The following ACOXL variants were observed in gnomAD, a reference collection of about 807,000 sequenced individuals.
ACOXL encodes the protein acyl-CoA oxidase like, also known as acyl-coenzyme A oxidase-like protein.
A neutral mutation model predicts 71.9 loss-of-function variants in ACOXL; 70 were observed. The observed-to-expected ratio is 0.97, with a 90% CI of 0.80 to 1.19. The LOEUF (loss-of-function observed/expected upper bound fraction) is 1.19. ACOXL is among the 50% of genes most tolerant of loss of function. The pLI, the probability that ACOXL is intolerant of heterozygous loss-of-function variation, is 0.00. For missense variants in ACOXL, 703 were observed against 736.3 expected (o/e 0.95, Z 0.52); for synonymous variants, 253 against 281.6 (o/e 0.90, Z 1.02).
chr2:110,909,852 A>G (rs2059588571), intron 11 of ACOXL, among the ~76,000 whole-genome samples: 1 of 151,660 alleles, frequency 6.6e-6, no homozygotes, highest in Non-Finnish European at 1.5e-5. Context: ...CCAGTGTTCC[A>G]AGGTGCAAGG....
intron 10 of ACOXL, chr2:110,886,640 A>C: frequency 8.9e-7 from 1 of 1,119,194 alleles, no homozygotes; most frequent in Non-Finnish European, 1.3e-6. Flanking sequence ...CGGCTTCTCA[A>C]AATGCTGGGA....
intron 10 of ACOXL, among the ~76,000 whole-genome samples, chr2:110,848,519 C>T (rs1692192021): frequency 1.3e-5 from 2 of 152,130 alleles, no homozygotes; most frequent in Non-Finnish European, 2.9e-5. Context: ...TCTTGAGGGC[C>T]GAGGGTGGTT....
At chr2:110,930,291 C>T (rs1216612297) in intron 11 of ACOXL, among the ~76,000 whole-genome samples, 1 of 152,240 alleles carries the variant, frequency 6.6e-6, no homozygotes, top group Non-Finnish European at 1.5e-5. Flanking sequence ...TTGACCACCC[C>T]ACTGGACTGT....
At chr2:110,784,615 C>A in intron 2 of ACOXL, 117 bp from the exon 3 acceptor site, 2 of 716,254 alleles carry the variant, frequency 2.8e-6, no homozygotes, top group South Asian at 3.0e-5. Flanking sequence ...TTAAAAACTG[C>A]TTTTACTGTG....
At chr2:110,808,395 T>TC (rs1686923619) in intron 9 of ACOXL, among the ~76,000 whole-genome samples, 1 of 152,120 alleles carries the variant, frequency 6.6e-6, no homozygotes, top group Non-Finnish European at 1.5e-5. Context: ...ATTTCTGGGT[T>TC]CCCGGGTGAC....
At chr2:110,826,159 C>G (rs1047656855) in intron 9 of ACOXL, among the ~76,000 whole-genome samples, 1 of 152,174 alleles carries the variant, frequency 6.6e-6, no homozygotes, top group Admixed American at 6.5e-5. Context: ...TAAAGGAAAG[C>G]TTCATCTTTT....
chr2:111,032,508 T>A (rs2065324160), intron 15 of ACOXL, among the ~76,000 whole-genome samples: 1 of 152,192 alleles, frequency 6.6e-6, no homozygotes, highest in Non-Finnish European at 1.5e-5. Flanking sequence ...ATTGTTTAAT[T>A]TCAAGAATCG....
intron 4 of ACOXL, 103 bp downstream of exon 4, chr2:110,793,839 C>A: frequency 9.2e-7 from 1 of 1,090,442 alleles, no homozygotes; most frequent in Non-Finnish European, 1.4e-6. Flanking sequence ...TAAAATAAAA[C>A]AGAATTTGTA....
intron 9 of ACOXL, among the ~76,000 whole-genome samples, chr2:110,819,268 A>G (rs369406674): frequency 6.7e-4 from 102 of 152,304 alleles, no homozygotes; most frequent in African/African-American, 2.3e-3. Context: ...TCTGCAGTTT[A>G]TTCTGTTGGC....
intron 12 of ACOXL, among the ~76,000 whole-genome samples, chr2:110,974,690 TCTTC>T (rs1172070396): frequency 2.6e-5 from 4 of 152,224 alleles, no homozygotes; most frequent in East Asian, 1.9e-4. Context: ...AGGGGTGTCC[TCTTC>T]CTGACTGATC....
intron 2 of ACOXL, among the ~76,000 whole-genome samples, chr2:110,779,009 C>T (rs1485375704): frequency 2.0e-5 from 3 of 152,100 alleles, no homozygotes; most frequent in African/African-American, 4.8e-5. Flanking sequence ...GAAACATTTT[C>T]GAAGTAACTA....
rs571994534 is a variant in ACOXL, at chr2:110,742,836, A to C, written c.-23+10062A>C. Among the ~76,000 whole-genome samples, 163 of 152,336 alleles carry C rather than the reference A, an allele frequency of 1.1e-3. 2 individuals carry two copies. Among genetic ancestry groups the C allele is most frequent in the African/African-American group, 3.8e-3 (156 of 41,574 alleles). On this transcript the variant is annotated intron_variant, in intron 1 of 17. Coordinates refer to ENST00000439055, the MANE Select transcript of ACOXL (RefSeq NM_001142807.4). ...AGCTTCTTGACATTGGTTTGGGTAAAGATTTTTTGGATATGATCCCAAAAG... is the reference window on the plus strand; with the variant it reads ...AGCTTCTTGACATTGGTTTGGGTAACGATTTTTTGGATATGATCCCAAAAG...
chr2:111,025,052 G>T (rs888688559), intron 14 of ACOXL, among the ~76,000 whole-genome samples: 49 of 151,984 alleles, frequency 3.2e-4, no homozygotes, highest in African/African-American at 1.1e-3. Context: ...GTTCCTTTGT[G>T]CAACTTTGCA....
chr2:110,987,192 T>A lies in ACOXL; in HGVS notation c.1144T>A (p.Ser382Thr). 1 of 1,576,690 alleles carries A rather than the reference T, an allele frequency of 6.3e-7. No individual in the cohort carries two copies. The change falls in exon 13 of 18, where the codon TCT becomes ACT. Residue 382 changes from serine (S) to threonine (T), a missense_variant. Ser to Thr is a moderately conservative substitution (Grantham distance 58, BLOSUM62 1). Transcript: ENST00000439055. Reference sequence around the variant, plus strand: ...TGGCCTGCTCCAAAACTGGGCTGAATCTGTGGGGGACAAGCTGAGAACCAG... The same window carrying A: ...TGGCCTGCTCCAAAACTGGGCTGAAACTGTGGGGGACAAGCTGAGAACCAG... ...LFGLLQNWAE[S>T]VGDKLRTSFL...
At chr2:111,049,332 G>T in intron 16 of ACOXL, 44 bp downstream of exon 16, 1 of 1,453,510 alleles carries the variant, frequency 6.9e-7, no homozygotes, top group South Asian at 1.2e-5. Context: ...GGCTCAGAGC[G>T]TTTTTATTGC....
chr2:110,908,657 T>A, intron 10 of ACOXL, 132 bp from the exon 11 acceptor site: 1 of 710,290 alleles, frequency 1.4e-6, no homozygotes, highest in Non-Finnish European at 2.4e-6. Context: ...TAACCACATT[T>A]TAGGAAATTC....
intron 2 of ACOXL, among the ~76,000 whole-genome samples, chr2:110,779,771 A>G (rs760590806): frequency 5.3e-5 from 8 of 152,236 alleles, no homozygotes; most frequent in Non-Finnish European, 8.8e-5. Flanking sequence ...AAGAAAGTTA[A>G]CTTTCATCCC....
intron 9 of ACOXL, among the ~76,000 whole-genome samples, chr2:110,821,876 T>C (rs1688641676): frequency 6.6e-6 from 1 of 152,206 alleles, no homozygotes; most frequent in Non-Finnish European, 1.5e-5. Context: ...TTGTTTCAGC[T>C]TTGGCTTTTG....
At chr2:110,968,226 T>A in intron 12 of ACOXL, 1 of 1,072,946 alleles carries the variant, frequency 9.3e-7, no homozygotes, top group Non-Finnish European at 1.4e-6. Context: ...ATGAATACAA[T>A]GTGGAAAACA....
Sources: gnomAD v4.1 joint callset for allele counts (sites outside exome capture counted in the v4.1 genomes callset) on GRCh38, gnomAD v4.1.1 for gene constraint, MANE v1.5 for transcripts, NCBI Gene and HGNC (gene_info 2026-07-23, HGNC 2026-07-21) for gene names.